The following GSK3B variants were observed in gnomAD, a reference collection of about 807,000 sequenced individuals.
GSK3B encodes the protein glycogen synthase kinase-3 beta.
A neutral mutation model predicts 56.4 loss-of-function variants in GSK3B; 15 were observed. That is an observed-to-expected ratio of 0.27 (90% CI 0.18 to 0.41). The LOEUF is 0.41. Among genes scored for constraint, GSK3B ranks in the 10% least tolerant of loss-of-function variants. The pLI, the probability that GSK3B is intolerant of heterozygous loss-of-function variation, is 1.00. For synonymous variants in GSK3B, 181 were observed against 188.9 expected (o/e 0.96, Z 0.34); for missense variants, 300 against 513.4 (o/e 0.58, Z 4.02).
At chr3:120,061,922 G>C (rs1214304112) in intron 1 of GSK3B, among the ~76,000 whole-genome samples, 3 of 151,956 alleles carry the variant, frequency 2.0e-5, no homozygotes, top group Non-Finnish European at 2.9e-5. Context: ...AGTAGAGACG[G>C]GGTTTCTCCA....
At chr3:119,888,372 C>T (rs1331116247) in intron 7 of GSK3B, among the ~76,000 whole-genome samples, 2 of 152,084 alleles carry the variant, frequency 1.3e-5, no homozygotes, top group Admixed American at 1.3e-4. Context: ...ATTTCTTAAG[C>T]CTGTCTTTAC....
At chr3:119,992,420 G>A (rs1352201353) in intron 2 of GSK3B, among the ~76,000 whole-genome samples, 1 of 152,006 alleles carries the variant, frequency 6.6e-6, no homozygotes, top group Non-Finnish European at 1.5e-5. Flanking sequence ...ATTTAGAAAA[G>A]ATAAAATTAG....
intron 2 of GSK3B, among the ~76,000 whole-genome samples, chr3:119,971,043 A>G (rs2057362143): frequency 6.6e-6 from 1 of 152,228 alleles, no homozygotes; most frequent in Non-Finnish European, 1.5e-5. Flanking sequence ...TTTCAGAATA[A>G]TATCATTAAG....
chr3:120,017,420 T>C (rs1283969972), intron 1 of GSK3B, among the ~76,000 whole-genome samples: 1 of 152,178 alleles, frequency 6.6e-6, no homozygotes, highest in African/African-American at 2.4e-5. Flanking sequence ...GGTCTGTTCT[T>C]GGCCTACTAG....
chr3:119,828,232 C>G (rs1333169788), intron 10 of GSK3B, among the ~76,000 whole-genome samples: 1 of 152,140 alleles, frequency 6.6e-6, no homozygotes, highest in African/African-American at 2.4e-5. Flanking sequence ...ATTATCTCCT[C>G]CCCCCTTTTA....
At chr3:119,878,536 G>A (rs933523795) in intron 7 of GSK3B, among the ~76,000 whole-genome samples, 1 of 152,054 alleles carries the variant, frequency 6.6e-6, no homozygotes, top group African/African-American at 2.4e-5. Flanking sequence ...ATAGCACCTT[G>A]GAAAACAGTT....
intron 2 of GSK3B, among the ~76,000 whole-genome samples, chr3:119,992,632 T>C (rs1177501669): frequency 6.6e-6 from 1 of 151,836 alleles, no homozygotes; most frequent in Non-Finnish European, 1.5e-5. Flanking sequence ...GGAAGGACTC[T>C]TACATATCAG....
chr3:120,045,160 A>G (rs1003807870), intron 1 of GSK3B, among the ~76,000 whole-genome samples: 5 of 152,250 alleles, frequency 3.3e-5, no homozygotes, highest in Non-Finnish European at 7.3e-5. Context: ...TTCCTTTTAA[A>G]GGATCAAGTC....
At chr3:120,000,575 C>G (rs139311323) in intron 2 of GSK3B, among the ~76,000 whole-genome samples, 112 of 152,182 alleles carry the variant, frequency 7.4e-4, no homozygotes, top group African/African-American at 2.5e-3. Context: ...ACATTGGAGG[C>G]TCCCACTAAA....
chr3:120,023,409 A>C (rs2057896578), intron 1 of GSK3B, among the ~76,000 whole-genome samples: 1 of 151,304 alleles, frequency 6.6e-6, no homozygotes, highest in Admixed American at 6.6e-5. Context: ...AAATTTGTAG[A>C]GTCATCCTTT....
At chr3:120,066,868 G>A (rs1451085725) in intron 1 of GSK3B, among the ~76,000 whole-genome samples, 3 of 152,152 alleles carry the variant, frequency 2.0e-5, no homozygotes, top group African/African-American at 4.8e-5. Flanking sequence ...GCAGTGGATC[G>A]TATTTGGCCT....
At chr3:119,890,771 T>C (rs957688220) in intron 7 of GSK3B, among the ~76,000 whole-genome samples, 1 of 149,716 alleles carries the variant, frequency 6.7e-6, no homozygotes, top group African/African-American at 2.4e-5. Context: ...GGGACCATTA[T>C]GTAATTTGTG....
chr3:120,034,793 A>C (rs2058008095), intron 1 of GSK3B, among the ~76,000 whole-genome samples: 1 of 152,146 alleles, frequency 6.6e-6, no homozygotes, highest in Admixed American at 6.5e-5. Context: ...TCACAAAGGT[A>C]ATCAAATTAA....
chr3:120,004,383 G>A (rs1030546926), intron 1 of GSK3B, among the ~76,000 whole-genome samples: 5 of 152,196 alleles, frequency 3.3e-5, no homozygotes, highest in Admixed American at 1.3e-4. Context: ...AGACTTAAAC[G>A]TCCCTGCCTG....
At chr3:120,056,541 T>C (rs1258928616) in intron 1 of GSK3B, among the ~76,000 whole-genome samples, 1 of 152,166 alleles carries the variant, frequency 6.6e-6, no homozygotes, top group Non-Finnish European at 1.5e-5. Flanking sequence ...GGTTTCACCA[T>C]GTTGGCCAGG....
intron 1 of GSK3B, among the ~76,000 whole-genome samples, chr3:120,089,700 T>A (rs1402014401): frequency 1.3e-5 from 2 of 152,202 alleles, no homozygotes; most frequent in Non-Finnish European, 2.9e-5. Flanking sequence ...AGCTAAATTT[T>A]CTCCAATTGT....
intron 8 of GSK3B, among the ~76,000 whole-genome samples, chr3:119,865,417 T>C (rs1237184517): frequency 1.4e-5 from 2 of 138,452 alleles, no homozygotes; most frequent in African/African-American, 5.3e-5. Flanking sequence ...AATAAACCAG[T>C]ATTATAAGCT....
chr3:119,990,406 G>A (rs2057553743), intron 2 of GSK3B, among the ~76,000 whole-genome samples: 1 of 152,184 alleles, frequency 6.6e-6, no homozygotes, highest in Non-Finnish European at 1.5e-5. Context: ...CACCTCTCAG[G>A]TTTTGTCTAA....
chr3:120,023,092 T>C (rs779227378), intron 1 of GSK3B, among the ~76,000 whole-genome samples: 2 of 152,030 alleles, frequency 1.3e-5, no homozygotes, highest in Non-Finnish European at 2.9e-5. Context: ...GTTAACTACC[T>C]GACTTAATGA....
Sources: gnomAD v4.1 joint callset for allele counts (sites outside exome capture counted in the v4.1 genomes callset) on GRCh38, gnomAD v4.1.1 for gene constraint, MANE v1.5 for transcripts, NCBI Gene and HGNC (gene_info 2026-07-23, HGNC 2026-07-21) for gene names.